GNAQ: variants seen among roughly 807,000 people sequenced by gnomAD.
The protein encoded by GNAQ is G protein subunit alpha q, also known as guanine nucleotide-binding protein G(q) subunit alpha.
A neutral mutation model predicts 43.9 loss-of-function variants in GNAQ; 8 were observed. The ratio of observed to expected loss-of-function variants is 0.18; its 90% CI spans 0.11 to 0.33. The LOEUF is 0.33. Ranked by LOEUF, GNAQ falls within the 10% of genes least tolerant of loss-of-function variation. The pLI is 1.00. For synonymous variants in GNAQ, 155 were observed against 170.7 expected, an observed-to-expected ratio of 0.91 and a Z score of 0.71; for missense variants, 158 against 450.8, an observed-to-expected ratio of 0.35 and a Z score of 5.88.
chr9:77,798,136 C>T (rs1376180244), intron 3 of GNAQ, among the ~76,000 whole-genome samples: 1 of 152,120 alleles, frequency 6.6e-6, no homozygotes, highest in Non-Finnish European at 1.5e-5. Context: ...CAGCAGGCTA[C>T]AGTGTCCTAA....
chr9:77,838,503 G>A (rs1827430530), intron 2 of GNAQ, among the ~76,000 whole-genome samples: 1 of 151,884 alleles, frequency 6.6e-6, no homozygotes, highest in South Asian at 2.1e-4. Context: ...TGAAATCTGT[G>A]TGCCCAAACA....
intron 2 of GNAQ, among the ~76,000 whole-genome samples, chr9:77,893,458 G>A (rs186565702): frequency 1.6e-4 from 24 of 152,242 alleles, no homozygotes; most frequent in Admixed American, 9.8e-4. Context: ...CCCTTTTCCC[G>A]GAAAACTCAT....
At chr9:77,724,263 T>G (rs1825363816) in intron 6 of GNAQ, among the ~76,000 whole-genome samples, 1 of 152,114 alleles carries the variant, frequency 6.6e-6, no homozygotes, top group African/African-American at 2.4e-5. Flanking sequence ...TGATCTTGGC[T>G]CACTGCAACC....
At chr9:77,994,315 C>G (rs1448622022) in intron 1 of GNAQ, among the ~76,000 whole-genome samples, 1 of 152,212 alleles carries the variant, frequency 6.6e-6, no homozygotes, top group African/African-American at 2.4e-5. Context: ...GCTGGGATAA[C>G]AAGCGTGAGC....
intron 1 of GNAQ, among the ~76,000 whole-genome samples, chr9:77,976,670 G>A (rs1401452762): frequency 1.3e-5 from 2 of 152,230 alleles, no homozygotes; most frequent in African/African-American, 4.8e-5. Context: ...GATTACAGGC[G>A]TGAGCCAACA....
At chr9:77,993,585 C>T (rs573059678) in intron 1 of GNAQ, among the ~76,000 whole-genome samples, 2 of 151,956 alleles carry the variant, frequency 1.3e-5, no homozygotes, top group African/African-American at 4.8e-5. Flanking sequence ...GCCTGTAATC[C>T]CAGCTACTCC....
chr9:77,869,412 T>C (rs1256837153), intron 2 of GNAQ, among the ~76,000 whole-genome samples: 1 of 152,162 alleles, frequency 6.6e-6, no homozygotes, highest in Non-Finnish European at 1.5e-5. Context: ...GCTTACTGGG[T>C]GTATAGGAAA....
intron 2 of GNAQ, among the ~76,000 whole-genome samples, chr9:77,896,513 CT>C (rs200462121): frequency 6.6e-6 from 1 of 152,088 alleles, no homozygotes. Context: ...AAAATAAAAA[CT>C]TTTTTTATAC....
intron 5 of GNAQ, among the ~76,000 whole-genome samples, chr9:77,757,495 G>C (rs570144233): frequency 2.5e-4 from 38 of 152,254 alleles, no homozygotes; most frequent in African/African-American, 8.9e-4. Flanking sequence ...CTTCCTGTTA[G>C]AAAGAAAACT....
At chr9:78,004,738 G>A (rs1307258950) in intron 1 of GNAQ, among the ~76,000 whole-genome samples, 1 of 152,084 alleles carries the variant, frequency 6.6e-6, no homozygotes, top group Non-Finnish European at 1.5e-5. Flanking sequence ...AGAGGGATCA[G>A]AAAAGGCAAT....
Position 77,985,423 on chromosome 9 carries a change from T to C in GNAQ, c.136+45677A>G, listed in dbSNP as rs150414908. On this transcript the variant is annotated intron_variant, in intron 1 of 6. Transcript: ENST00000286548. ...TAATGGAGGAGACTGAAGACATTAA[T>C]TGTGAGCAGTCACTGTTGCAGAAAT... Among the ~76,000 whole-genome samples the C allele has an allele frequency of 4.3e-3, 657 of 152,314 alleles. 6 individuals are homozygous for C. Among genetic ancestry groups the C allele is most frequent in the African/African-American group, 0.015 (635 of 41,576 alleles).
intron 5 of GNAQ, among the ~76,000 whole-genome samples, chr9:77,779,090 A>C (rs1431480910): frequency 2.0e-5 from 3 of 152,022 alleles, no homozygotes; most frequent in Non-Finnish European, 4.4e-5. Flanking sequence ...GCTGTTGATT[A>C]CTTTATCCAG....
intron 5 of GNAQ, among the ~76,000 whole-genome samples, chr9:77,780,027 T>C (rs1826368677): frequency 6.6e-6 from 1 of 151,958 alleles, no homozygotes; most frequent in Non-Finnish European, 1.5e-5. Context: ...CATACATATT[T>C]ATGGGTACAT....
intron 2 of GNAQ, among the ~76,000 whole-genome samples, chr9:77,876,944 C>A (rs572034109): frequency 6.6e-6 from 1 of 152,254 alleles, no homozygotes; most frequent in South Asian, 2.1e-4. Flanking sequence ...CACAGAGTAA[C>A]TGAGGAAAAA....
chr9:77,760,307 C>T (rs985629175), intron 5 of GNAQ, among the ~76,000 whole-genome samples: 38 of 152,020 alleles, frequency 2.5e-4, no homozygotes, highest in African/African-American at 8.4e-4. Flanking sequence ...AACCTCCCTG[C>T]CTGATTCTCC....
At chr9:78,011,041 G>A (rs1032618545) in intron 1 of GNAQ, among the ~76,000 whole-genome samples, 7 of 152,056 alleles carry the variant, frequency 4.6e-5, no homozygotes, top group East Asian at 1.9e-4. Context: ...GTCTAGAAAC[G>A]CAGAGAAAAA....
chr9:77,844,060 G>A (rs1827535067), intron 2 of GNAQ, among the ~76,000 whole-genome samples: 1 of 152,126 alleles, frequency 6.6e-6, no homozygotes, highest in African/African-American at 2.4e-5. Context: ...TCCCAGGACT[G>A]GCCTCAATTT....
At position 77,737,824 on chromosome 9, in the gene GNAQ, C is replaced by T. The variant is rs992948362; in HGVS notation, c.736-9157G>A. On this transcript the variant is annotated intron_variant, in intron 5 of 6. Transcript: ENST00000286548. ...AGCACAAAGGTACAACTTGGCTGAA[C>T]AGGCATCTGTTCCCATTGCATCCTA... 3.3e-5 allele frequency among the ~76,000 whole-genome samples: 5 copies of T among 152,202 alleles called. No individual in the cohort carries two copies. In the East Asian group the frequency reaches 9.6e-4, roughly 29 times the overall value.
chr9:77,835,522 T>C (rs995928504), intron 2 of GNAQ, among the ~76,000 whole-genome samples: 1 of 152,114 alleles, frequency 6.6e-6, no homozygotes, highest in African/African-American at 2.4e-5. Flanking sequence ...AAAAATTTTA[T>C]GCAGCATAAA....
Sources: gnomAD v4.1 joint callset for allele counts (sites outside exome capture counted in the v4.1 genomes callset) on GRCh38, gnomAD v4.1.1 for gene constraint, MANE v1.5 for transcripts, NCBI Gene and HGNC (gene_info 2026-07-23, HGNC 2026-07-21) for gene names.